ITGA3: variants seen among roughly 807,000 people sequenced by gnomAD.
ITGA3 encodes the protein integrin subunit alpha 3, also known as integrin alpha-3.
Under a neutral mutation model 131.1 loss-of-function variants are expected in ITGA3, and 70 were observed. That is an observed-to-expected ratio of 0.53 (90% CI 0.44 to 0.65). ITGA3 has a LOEUF of 0.65. Ranked by LOEUF, ITGA3 falls within the 30% of genes least tolerant of loss-of-function variation. ITGA3 has a pLI of 0.00. For missense variants in ITGA3, 1,098 were observed against 1,388.6 expected, an observed-to-expected ratio of 0.79 and a Z score of 3.33; for synonymous variants, 537 against 571.6, an observed-to-expected ratio of 0.94 and a Z score of 0.86.
In ITGA3 at chr17:50,078,294, G is replaced by T. The variant is rs373434442; in HGVS notation, c.2297+10G>T. On this transcript the variant is annotated intron_variant, in intron 18 of 25. Transcript: ENST00000320031. ...AGACCTCGCTTAGCATGTGGGTACC[G>T]CTCTCCACCACCCCCACCCCAGCCT... 6.2e-7 allele frequency: 1 copy of T among 1,608,054 alleles called. No individual in the cohort carries two copies. The highest frequency in any genetic ancestry group is 8.5e-7 in the Non-Finnish European group (1 of 1,175,552).
chr17:50,084,950 C>T (rs933918029), intron 23 of ITGA3, among the ~76,000 whole-genome samples: 24 of 152,070 alleles, frequency 1.6e-4, no homozygotes, highest in Non-Finnish European at 2.1e-4. Flanking sequence ...TGGTGGCTCA[C>T]GCCTGTAATC....
chr17:50,078,374 C>G, intron 18 of ITGA3, 90 bp downstream of exon 18: 1 of 1,066,332 alleles, frequency 9.4e-7, no homozygotes, highest in Non-Finnish European at 1.4e-6. Context: ...ACTCCTCTGA[C>G]CCCTCTCTTG....
intron 25 of ITGA3, among the ~76,000 whole-genome samples, chr17:50,088,784 C>T (rs1220653486): frequency 6.6e-6 from 1 of 152,168 alleles, no homozygotes; most frequent in African/African-American, 2.4e-5. Flanking sequence ...GCAACCCTTC[C>T]AGGATAACAA....
Position 50,088,191 on chromosome 17 carries a change from C to G in ITGA3, c.3046-34C>G, listed in dbSNP as rs530825821. The G allele has an allele frequency of 5.2e-6, 8 of 1,543,788 alleles. No individual in the cohort carries two copies. The Admixed American group carries it at 7.9e-5, about 15-fold the overall frequency. ...CTGGTGAGGATAGCCCAGCGCCCCC[C>G]TGATGGCCCGTCCCCACCTCCTCCC... On this transcript the variant is annotated intron_variant, in intron 24 of 25. Transcript: ENST00000320031.
chr17:50,076,354 T>C lies in ITGA3; in HGVS notation c.1703T>C (p.Ile568Thr). The C allele has an allele frequency of 6.2e-7, 1 of 1,613,746 alleles. No individual in the cohort carries two copies. The highest frequency in any genetic ancestry group is 8.5e-7 in the Non-Finnish European group (1 of 1,179,960). Reference sequence around the variant, plus strand: ...AACCTCCGTGACAAACTCCGCCCCATCATCATCTCCATGAACTACTCTTTA... The same window carrying C: ...AACCTCCGTGACAAACTCCGCCCCACCATCATCTCCATGAACTACTCTTTA... The part of the protein sequence containing the change: ...MDNLRDKLRP[I>T]IISMNYSLPL... Residue 568 changes from isoleucine to threonine, a missense_variant, in exon 13 of 26, where the codon ATC (isoleucine) becomes ACC (threonine). Transcript: ENST00000320031.
intron 25 of ITGA3, 63 bp downstream of exon 25, chr17:50,088,429 C>G: frequency 1.2e-6 from 1 of 809,272 alleles, no homozygotes; most frequent in Non-Finnish European, 2.1e-6. Flanking sequence ...TGACTCTGTC[C>G]TATCTGCTCC....
rs1463321004 is a variant in ITGA3, at chr17:50,079,489, G to C, written c.2638G>C (p.Gly880Arg). 2 of 1,580,700 alleles carry C rather than the reference G, an allele frequency of 1.3e-6. No homozygotes were observed. The highest frequency in any genetic ancestry group is 1.7e-6 in the Non-Finnish European group (2 of 1,163,640). ...GCGCAGGCGGCGACAGCTGGATCCAGGGGGAGGCCAGGGCCCCCCACCTGT... is the reference window on the plus strand; with the variant it reads ...GCGCAGGCGGCGACAGCTGGATCCACGGGGAGGCCAGGGCCCCCCACCTGT... ...PQRRRRQLDP[G>R]GGQGPPPVTL... Residue 880 changes from glycine (G) to arginine (R), a missense_variant, in exon 21 of 26, where the codon GGG becomes CGG. Around this residue, in one of 3 missense-constraint regions of ITGA3, gnomAD observed 699 missense variants for 829.2 expected, o/e 0.84. Coordinates refer to ENST00000320031, the MANE Select transcript of ITGA3 (RefSeq NM_002204.4).
chr17:50,070,779 T>C (rs770692037), intron 4 of ITGA3, 65 bp from the exon 5 acceptor site: 6 of 1,042,294 alleles, frequency 5.8e-6, no homozygotes, highest in Non-Finnish European at 9.0e-6. Flanking sequence ...CTGGACATGG[T>C]AGAGGAAACC....
chr17:50,081,381 C>T lies in ITGA3; in HGVS notation c.2892C>T (p.Thr964=). The T allele has an allele frequency of 6.3e-7, 1 of 1,586,420 alleles. No individual in the cohort carries two copies. The highest frequency in any genetic ancestry group is 1.1e-5 in the South Asian group (1 of 87,166). ...TATTCCTCCGAACCAGCATCCCCACCATCAACATGGAGAACAAGACCACGT... is the reference window on the plus strand; with the variant it reads ...TATTCCTCCGAACCAGCATCCCCACTATCAACATGGAGAACAAGACCACGT... The part of the protein sequence containing the change: ...ATLFLRTSIP[T]INMENKTTWF... Residue 964 remains threonine (T), a synonymous_variant, in exon 23 of 26, where the codon ACC becomes ACT. Coordinates refer to ENST00000320031, the MANE Select transcript of ITGA3 (RefSeq NM_002204.4).
rs773119211 is a variant in ITGA3 at position 50,076,404 on chromosome 17, C to T, written c.1753C>T (p.Arg585Trp). ...ACCTTTGCGGATGCCCGATCGCCCC[C>T]GGCTGGGGCTGCGGTCCCTGGACGC... The part of the protein sequence containing the change: ...SLPLRMPDRP[R>W]LGLRSLDAYP... Residue 585 changes from arginine (R) to tryptophan (W), a missense_variant, in exon 13 of 26, where the codon CGG (arginine) becomes TGG (tryptophan). Arg to Trp is a moderately radical substitution (Grantham distance 101, BLOSUM62 -3). Around this residue, in one of 3 missense-constraint regions of ITGA3, gnomAD observed 699 missense variants for 829.2 expected, o/e 0.84. Transcript: ENST00000320031. 5 of 1,612,612 alleles carry T rather than the reference C, an allele frequency of 3.1e-6. No homozygotes were observed. The highest frequency in any genetic ancestry group is 1.6e-4 in the Middle Eastern group (1 of 6,084).
Position 50,064,391 on chromosome 17 carries a change from CGAGCTG to C in ITGA3, c.335-133_335-128del. On this transcript the variant is annotated intron_variant, in intron 2 of 25. Transcript: ENST00000320031. This position sits in a 1 kb window ranked among gnomAD's most constrained non-coding sequence, Gnocchi z 4.4. ...GGATTGGTAGAGCTCAGAATAATGA[CGAGCTG>C]GAGAAGGGGAGTTGGGAGGGCTGCC... The C allele has an allele frequency of 1.8e-6, 2 of 1,113,714 alleles. No homozygotes were observed. The highest frequency in any genetic ancestry group is 3.1e-5 in the South Asian group (2 of 65,504). 69.0% of individuals were successfully genotyped at this position (1,113,714 alleles called of 1,614,324 possible).
chr17:50,074,531 C>T lies in ITGA3; in HGVS notation c.1466C>T (p.Ser489Phe). ...VLDPALCTAT[S>F]CVQVELCFAY... is the part of the protein sequence containing the mutation. ...GACCCTGCACTTTGCACGGCCACCTCTTGGTGAGATTGTTCTGCCCACCTA... is the reference window on the plus strand; with the variant it reads ...GACCCTGCACTTTGCACGGCCACCTTTTGGTGAGATTGTTCTGCCCACCTA... The change falls in exon 10 of 26, where the codon TCT (serine) becomes TTT (phenylalanine). Residue 489 changes from serine to phenylalanine, a missense_variant. Transcript: ENST00000320031. The T allele has an allele frequency of 6.2e-7, 1 of 1,610,790 alleles. No homozygotes were observed. The highest frequency in any genetic ancestry group is 8.5e-7 in the Non-Finnish European group (1 of 1,177,152).
At chr17:50,062,105 T>C (rs1467508396) in intron 1 of ITGA3, among the ~76,000 whole-genome samples, 1 of 150,960 alleles carries the variant, frequency 6.6e-6, no homozygotes, top group African/African-American at 2.4e-5. Context: ...GCTGGAGGCA[T>C]GCTAGACCAG....
intron 23 of ITGA3, among the ~76,000 whole-genome samples, chr17:50,083,316 T>C (rs1236897796): frequency 6.6e-6 from 1 of 152,182 alleles, no homozygotes; most frequent in African/African-American, 2.4e-5. Flanking sequence ...AACACTTTAA[T>C]AGTAACCTTT....
Position 50,075,583 on chromosome 17 carries a change from C to A in ITGA3, c.1538-16C>A. On this transcript the variant is annotated splice_polypyrimidine_tract_variant and intron_variant, in intron 11 of 25. Coordinates refer to ENST00000320031, the MANE Select transcript of ITGA3 (RefSeq NM_002204.4). ...CGCTCCCCTGTCCCCTTGCTGACCA[C>A]CCTGTCTACCTGTAGCCCTGGCCTA... 6.2e-7 allele frequency: 1 copy of A among 1,614,260 alleles called. No individual in the cohort carries two copies. The highest frequency in any genetic ancestry group is 8.5e-7 in the Non-Finnish European group (1 of 1,180,052).
chr17:50,063,797 C>A, intron 1 of ITGA3: 1 of 445,264 alleles, frequency 2.2e-6, no homozygotes, highest in Non-Finnish European at 4.1e-6. Context: ...TGGTGATTGT[C>A]CTCAGACTCA....
intron 4 of ITGA3, among the ~76,000 whole-genome samples, chr17:50,069,025 T>G (rs1027301163): frequency 7.6e-4 from 116 of 151,862 alleles, no homozygotes; most frequent in Middle Eastern, 3.4e-3. Context: ...TTTTTTTGTA[T>G]TTTTAGTAGA....
chr17:50,076,123 G>A (rs954326056), intron 12 of ITGA3, among the ~76,000 whole-genome samples: 2 of 151,526 alleles, frequency 1.3e-5, no homozygotes, highest in Non-Finnish European at 2.9e-5. Context: ...TTTTGAGGAG[G>A]AGAAGCCCTG....
rs11870670 is a variant in ITGA3, at chr17:50,078,348, C to T, written c.2297+64C>T. 1,396 of 1,384,988 alleles carry T rather than the reference C, an allele frequency of 1.0e-3. No homozygotes were observed. The African/African-American group carries it at 0.012, about 12-fold the overall frequency. The allele number at this position is 1,384,988 out of a possible 1,614,324, so 85.8% of individuals were successfully genotyped here. On this transcript the variant is annotated intron_variant, in intron 18 of 25. Coordinates refer to ENST00000320031, the MANE Select transcript of ITGA3 (RefSeq NM_002204.4). ...GTGCCTAAGCTAGGGTTCCCTATCC[C>T]CAAGCTATCTCCCAAACTCCTCTGA...
Sources: allele counts gnomAD v4.1 joint callset (sites outside exome capture counted in the v4.1 genomes callset), GRCh38; gene constraint gnomAD v4.1.1; regional missense constraint gnomAD v4.1.1; non-coding constraint Gnocchi (gnomAD v3.1); transcripts MANE v1.5; gene names NCBI Gene and HGNC (gene_info 2026-07-23, HGNC 2026-07-21).